FERMT1: variants seen among roughly 807,000 people sequenced by gnomAD.
FERMT1 encodes FERM domain containing kindlin 1, also known as fermitin family homolog 1.
In FERMT1, 60 loss-of-function variants were observed where a neutral mutation model predicts 85.3. The ratio of observed to expected loss-of-function variants is 0.70; its 90% CI spans 0.57 to 0.87. FERMT1 has a LOEUF of 0.87. FERMT1 is among the 40% of genes least tolerant of loss of function. The pLI is 0.00. For synonymous variants in FERMT1, 275 were observed against 301.1 expected (o/e 0.91, Z 0.90); for missense variants, 701 against 818.9 (o/e 0.86, Z 1.76).
intron 6 of FERMT1, among the ~76,000 whole-genome samples, chr20:6,098,437 TCTC>T (rs1316597372): frequency 1.3e-5 from 2 of 152,052 alleles, no homozygotes; most frequent in African/African-American, 2.4e-5. Context: ...GTAAAGCACT[TCTC>T]CTCCCAGATA....
chr20:6,109,828 G>C lies in FERMT1; in HGVS notation c.746+470C>G, dbSNP rs565344221. Among the ~76,000 whole-genome samples, 11 of 152,064 alleles carry C rather than the reference G, an allele frequency of 7.2e-5. No homozygotes were observed. The East Asian group carries it at 7.7e-4, about 11-fold the overall frequency. On this transcript the variant is annotated intron_variant, in intron 5 of 14. Coordinates refer to ENST00000217289, the MANE Select transcript of FERMT1 (RefSeq NM_017671.5). ...AGGCAGGAGAATTGCTTGAACCCAGGGGGGCAGAGATTGTGGTGAGCTGAG... is the reference window on the plus strand; with the variant it reads ...AGGCAGGAGAATTGCTTGAACCCAGCGGGGCAGAGATTGTGGTGAGCTGAG...
At chr20:6,111,132 C>G (rs1414915529) in intron 4 of FERMT1, among the ~76,000 whole-genome samples, 1 of 152,078 alleles carries the variant, frequency 6.6e-6, no homozygotes, top group East Asian at 1.9e-4. Flanking sequence ...TAATAATTCA[C>G]AGTTTTCCTA....
chr20:6,089,546 TTGCATTTGAAAAAGCTGTCGA>T (rs1444281058), intron 9 of FERMT1, among the ~76,000 whole-genome samples: 1 of 152,200 alleles, frequency 6.6e-6, no homozygotes, highest in African/African-American at 2.4e-5. Context: ...GGCATACTTT[TTGCATTTGAAAAAGCTGTCGA>T]TATGGACAGC....
intron 3 of FERMT1, among the ~76,000 whole-genome samples, chr20:6,115,469 T>A (rs1218700620): frequency 6.6e-6 from 1 of 152,232 alleles, no homozygotes; most frequent in African/African-American, 2.4e-5. Flanking sequence ...GATTAAGTAT[T>A]TAATACAACT....
chr20:6,096,479 T>C lies in FERMT1; in HGVS notation c.1089+423A>G, dbSNP rs190077133. Among the ~76,000 whole-genome samples the C allele has an allele frequency of 5.3e-3, 813 of 152,330 alleles. 8 individuals carry two copies. The highest frequency in any genetic ancestry group is 0.019 in the African/African-American group (783 of 41,580). Reference sequence around the variant, plus strand: ...GGCTGAGGCTGCAGTGAGCCTTGATTGCACTACTGATTGTCTCAGAAAAAA... The same window carrying C: ...GGCTGAGGCTGCAGTGAGCCTTGATCGCACTACTGATTGTCTCAGAAAAAA... On this transcript the variant is annotated intron_variant, in intron 8 of 14. Coordinates refer to ENST00000217289, the MANE Select transcript of FERMT1 (RefSeq NM_017671.5).
rs116483173 is a variant in FERMT1 at position 6,079,617 on chromosome 20, T to C, written c.1719-40A>G. The C allele has an allele frequency of 3.9e-3, 6,087 of 1,566,402 alleles. 152 individuals carry two copies. The African/African-American group carries it at 0.063, about 16-fold the overall frequency. ...AATATTAGTTAAGAGAAGCAACTGC[T>C]TCCTATAATACAATGTTCACTCACA... On this transcript the variant is annotated intron_variant, in intron 13 of 14. Transcript: ENST00000217289.
intron 13 of FERMT1, among the ~76,000 whole-genome samples, 155 bp from the exon 14 acceptor site, chr20:6,079,732 A>G (rs940740562): frequency 6.6e-6 from 1 of 152,234 alleles, no homozygotes; most frequent in African/African-American, 2.4e-5. Context: ...GGGCATTTTT[A>G]TTGGGATATA....
intron 9 of FERMT1, among the ~76,000 whole-genome samples, chr20:6,092,263 G>C (rs574046763): frequency 3.9e-5 from 6 of 152,208 alleles, no homozygotes; most frequent in Admixed American, 2.6e-4. Context: ...TTTGTATCTA[G>C]GCTGGGCATG....
chr20:6,083,509 G>C (rs530541840), intron 13 of FERMT1, among the ~76,000 whole-genome samples: 1 of 151,962 alleles, frequency 6.6e-6, no homozygotes, highest in African/African-American at 2.4e-5. Flanking sequence ...GACACTATGA[G>C]ACACAAAAAG....
At chr20:6,120,306 T>C (rs1398862429) in intron 1 of FERMT1, 1 of 152,230 alleles carries the variant, frequency 6.6e-6, no homozygotes, top group Admixed American at 6.5e-5. Context: ...AAATTGATTA[T>C]AAATGCACCA....
At chr20:6,118,139 T>G (rs1280897835) in intron 2 of FERMT1, among the ~76,000 whole-genome samples, 1 of 152,186 alleles carries the variant, frequency 6.6e-6, no homozygotes, top group Non-Finnish European at 1.5e-5. Context: ...ACAACCCAAA[T>G]GTCCATTAAG....
intron 3 of FERMT1, among the ~76,000 whole-genome samples, chr20:6,115,247 GT>G (rs1391102755): frequency 6.6e-6 from 1 of 152,132 alleles, no homozygotes; most frequent in African/African-American, 2.4e-5. Flanking sequence ...AGAAAAATTG[GT>G]TTGGGTAGTG....
At chr20:6,108,205 A>T (rs1318730619) in intron 5 of FERMT1, among the ~76,000 whole-genome samples, 1 of 152,152 alleles carries the variant, frequency 6.6e-6, no homozygotes, top group African/African-American at 2.4e-5. Flanking sequence ...TGGATTAGGG[A>T]TGCTCAACTG....
chr20:6,083,415 T>C (rs1487655291), intron 13 of FERMT1, among the ~76,000 whole-genome samples: 3 of 152,158 alleles, frequency 2.0e-5, no homozygotes, highest in Non-Finnish European at 4.4e-5. Context: ...ACAGGGTTGC[T>C]ACCTGATAAA....
intron 5 of FERMT1, among the ~76,000 whole-genome samples, chr20:6,107,985 C>T (rs951634133): frequency 1.3e-5 from 2 of 152,180 alleles, no homozygotes; most frequent in African/African-American, 2.4e-5. Flanking sequence ...CTTGCCTCAG[C>T]CTCACGAGTA....
chr20:6,090,899 C>T (rs1292218478), intron 9 of FERMT1, among the ~76,000 whole-genome samples: 4 of 151,938 alleles, frequency 2.6e-5, no homozygotes, highest in African/African-American at 4.8e-5. Context: ...TGCGGTGGCT[C>T]GTGTCTGTAA....
chr20:6,111,876 T>G, intron 4 of FERMT1, among the ~76,000 whole-genome samples: 1 of 151,538 alleles, frequency 6.6e-6, no homozygotes. Flanking sequence ...TTCTTTTTTT[T>G]TTTTTGAGAC....
chr20:6,114,391 G>T (rs542666326), intron 3 of FERMT1, among the ~76,000 whole-genome samples: 2 of 152,228 alleles, frequency 1.3e-5, no homozygotes, highest in Admixed American at 6.5e-5. Context: ...GAAATGCCAC[G>T]CTGAGCCTTT....
chr20:6,076,783 C>G lies in FERMT1; in HGVS notation c.*390G>C. On this transcript the variant is annotated 3_prime_UTR_variant, in exon 15 of 15. Coordinates refer to ENST00000217289, the MANE Select transcript of FERMT1 (RefSeq NM_017671.5). ...TGAAATAAGAGTTGTTCTTGCTACA[C>G]GTGATTTTTACCTTTCTGTCTTCTC... 1 of 340,454 alleles carries G rather than the reference C, an allele frequency of 2.9e-6. No homozygotes were observed. Among genetic ancestry groups the G allele is most frequent in the East Asian group, 7.5e-5 (1 of 13,376 alleles). 21.1% of individuals were successfully genotyped at this position (340,454 alleles called of 1,614,324 possible).
Sources: allele counts gnomAD v4.1 joint callset (sites outside exome capture counted in the v4.1 genomes callset), GRCh38; gene constraint gnomAD v4.1.1; transcripts MANE v1.5; gene names NCBI Gene and HGNC (gene_info 2026-07-23, HGNC 2026-07-21).